Variants in BMPR2 observed in about 807,000 individuals in gnomAD.
The protein encoded by BMPR2 is bone morphogenetic protein receptor type 2.
A neutral mutation model predicts 100.8 loss-of-function variants in BMPR2; 29 were observed. The observed-to-expected ratio is 0.29, with a 90% confidence interval of 0.21 to 0.39. The LOEUF (loss-of-function observed/expected upper bound fraction) is 0.39, where lower values mean the gene tolerates loss of function less well. BMPR2 is among the 10% of genes least tolerant of loss of function. BMPR2 has a pLI of 1.00. For synonymous variants in BMPR2, 382 were observed against 442.3 expected, an observed-to-expected ratio of 0.86 and a Z score of 1.71; for missense variants, 1,011 against 1,274.5, an observed-to-expected ratio of 0.79 and a Z score of 3.15.
chr2:202,460,384 C>A (rs1350220521), intron 1 of BMPR2, among the ~76,000 whole-genome samples: 1 of 147,334 alleles, frequency 6.8e-6, no homozygotes, highest in Non-Finnish European at 1.5e-5. Flanking sequence ...ACTAAAAAAG[C>A]CCAGTGTTTA....
chr2:202,450,201 A>C (rs1358936711), intron 1 of BMPR2, among the ~76,000 whole-genome samples: 1 of 152,190 alleles, frequency 6.6e-6, no homozygotes, highest in Non-Finnish European at 1.5e-5. Flanking sequence ...GATCCCCAAC[A>C]CAACATCAAA....
intron 1 of BMPR2, among the ~76,000 whole-genome samples, chr2:202,436,393 C>A (rs1387984114): frequency 2.7e-5 from 4 of 150,222 alleles, no homozygotes; most frequent in Non-Finnish European, 4.4e-5. Flanking sequence ...CTGCAGTGAG[C>A]CCTGATTGTG....
intron 9 of BMPR2, among the ~76,000 whole-genome samples, chr2:202,539,089 T>C (rs1374589957): frequency 6.6e-6 from 1 of 152,076 alleles, no homozygotes; most frequent in Non-Finnish European, 1.5e-5. Flanking sequence ...AGTAGGTTAA[T>C]TAAGAAGACA....
intron 7 of BMPR2, chr2:202,521,071 C>G (rs1360818737): frequency 2.6e-5 from 4 of 153,242 alleles, no homozygotes; most frequent in African/African-American, 9.6e-5. Flanking sequence ...TGTAGGGGAC[C>G]CAGGGGCAGC....
chr2:202,477,404 T>C (rs1462948070), intron 3 of BMPR2, among the ~76,000 whole-genome samples: 2 of 152,192 alleles, frequency 1.3e-5, no homozygotes, highest in African/African-American at 2.4e-5. Context: ...AGGATTGTTA[T>C]TGAGTTTCCT....
chr2:202,552,245 C>T (rs903046499), intron 10 of BMPR2, among the ~76,000 whole-genome samples: 7 of 152,204 alleles, frequency 4.6e-5, no homozygotes, highest in Non-Finnish European at 8.8e-5. Context: ...CTGCCTCAGC[C>T]TCCCAAAGTG....
intron 9 of BMPR2, among the ~76,000 whole-genome samples, chr2:202,537,823 A>G (rs75998928): frequency 0.025 from 3,816 of 152,240 alleles, 183 homozygotes; most frequent in East Asian, 0.15. Flanking sequence ...GTTATCTGTT[A>G]AAAGAATGAG....
intron 1 of BMPR2, among the ~76,000 whole-genome samples, chr2:202,411,585 C>CT: frequency 1.3e-5 from 2 of 152,194 alleles, no homozygotes; most frequent in East Asian, 3.9e-4. Context: ...TATGTGGTGC[C>CT]TAGCAGGAGT....
At chr2:202,518,793 A>G (rs369271687) in intron 5 of BMPR2, 29 bp from the exon 6 acceptor site, 6 of 1,560,678 alleles carry the variant, frequency 3.8e-6, no homozygotes, top group Non-Finnish European at 5.3e-6. Context: ...TGTGATATTA[A>G]TACCTTGCTT....
At chr2:202,519,347 A>C (rs1397080055) in intron 6 of BMPR2, among the ~76,000 whole-genome samples, 1 of 152,160 alleles carries the variant, frequency 6.6e-6, no homozygotes, top group Non-Finnish European at 1.5e-5. Flanking sequence ...TGGGCGACAG[A>C]GCAAGACGCA....
At chr2:202,457,157 C>G (rs1346588638) in intron 1 of BMPR2, among the ~76,000 whole-genome samples, 1 of 152,058 alleles carries the variant, frequency 6.6e-6, no homozygotes, top group Admixed American at 6.6e-5. Flanking sequence ...AATCATCTGT[C>G]TCTCTATTGA....
At chr2:202,504,130 C>G (rs563684098) in intron 3 of BMPR2, among the ~76,000 whole-genome samples, 5 of 152,088 alleles carry the variant, frequency 3.3e-5, no homozygotes, top group South Asian at 4.2e-4. Flanking sequence ...ACAGACCACT[C>G]GGCTCTACCA....
intron 10 of BMPR2, among the ~76,000 whole-genome samples, chr2:202,543,085 G>A (rs1688307036): frequency 6.6e-6 from 1 of 150,680 alleles, no homozygotes; most frequent in South Asian, 2.1e-4. Flanking sequence ...GCTGAGGCAG[G>A]AGAATTGCTT....
chr2:202,501,495 G>A (rs1266670075), intron 3 of BMPR2, among the ~76,000 whole-genome samples: 1 of 152,210 alleles, frequency 6.6e-6, no homozygotes, highest in Non-Finnish European at 1.5e-5. Context: ...GTCACAGAGA[G>A]AGCTGGGATA....
At chr2:202,416,906 G>T (rs574610923) in intron 1 of BMPR2, among the ~76,000 whole-genome samples, 4 of 148,402 alleles carry the variant, frequency 2.7e-5, no homozygotes, top group Non-Finnish European at 5.9e-5. Flanking sequence ...GTGTGATCTT[G>T]GCTCACTGCA....
intron 3 of BMPR2, chr2:202,505,252 T>C (rs1311674697): frequency 6.6e-6 from 1 of 152,116 alleles, no homozygotes. Flanking sequence ...GGACTTCTGA[T>C]TAGGACTTAT....
intron 5 of BMPR2, among the ~76,000 whole-genome samples, chr2:202,515,361 CA>C (rs1299925330): frequency 6.6e-6 from 1 of 151,984 alleles, no homozygotes; most frequent in Non-Finnish European, 1.5e-5. Flanking sequence ...CACCTGAGAT[CA>C]GGAGTTCAAG....
intron 1 of BMPR2, among the ~76,000 whole-genome samples, chr2:202,406,166 C>A (rs144945204): frequency 3.3e-5 from 5 of 152,254 alleles, no homozygotes; most frequent in African/African-American, 1.2e-4. Context: ...TTATTATATC[C>A]AGCATAAGTG....
chr2:202,523,012 A>C (rs1265882822), intron 7 of BMPR2, among the ~76,000 whole-genome samples: 1 of 152,182 alleles, frequency 6.6e-6, no homozygotes, highest in Non-Finnish European at 1.5e-5. Flanking sequence ...CAGAATGTAT[A>C]AGGAACTTAA....
Sources: gnomAD v4.1 joint callset for allele counts (sites outside exome capture counted in the v4.1 genomes callset) on GRCh38, gnomAD v4.1.1 for gene constraint, MANE v1.5 for transcripts, NCBI Gene and HGNC (gene_info 2026-07-23, HGNC 2026-07-21) for gene names.